Variants in TMEM182 observed in about 807,000 individuals in gnomAD.
The protein encoded by TMEM182 is transmembrane protein 182.
Under a neutral mutation model 26.8 loss-of-function variants are expected in TMEM182, and 20 were observed. The ratio of observed to expected loss-of-function variants is 0.75; its 90% CI spans 0.53 to 1.09. The LOEUF (loss-of-function observed/expected upper bound fraction) is 1.09, where lower values mean the gene tolerates loss of function less well. Among genes scored for constraint, TMEM182 ranks in the 50% least tolerant of loss-of-function variants. TMEM182 has a pLI of 0.00. For synonymous variants in TMEM182, 109 were observed against 102.2 expected, an observed-to-expected ratio of 1.07 and a Z score of -0.40; for missense variants, 277 against 275.5, an observed-to-expected ratio of 1.01 and a Z score of -0.04.
chr2:102,737,070 CA>C, intron 1 of TMEM182: 1 of 488,844 alleles, frequency 2.0e-6, no homozygotes, highest in Middle Eastern at 5.4e-4. Context: ...CCTCTGGGTA[CA>C]GACCCTGCTG....
intron 3 of TMEM182, 88 bp from the exon 4 acceptor site, chr2:102,797,775 G>A (rs1558777783): frequency 4.0e-6 from 6 of 1,484,888 alleles, no homozygotes; most frequent in Non-Finnish European, 5.4e-6. Context: ...GAAAAATGAA[G>A]ATGAAAGCAA....
In TMEM182 at chr2:102,772,455, T is replaced by C. The variant is rs529136611; in HGVS notation, c.331+8028T>C. On this transcript the variant is annotated intron_variant, in intron 3 of 4. Transcript: ENST00000412401. Reference sequence around the variant, plus strand: ...GAGTAGGGTGACCAGGGAGGCCTCATGAACAGACGAGGTTTGTTTTGAGAT... The same window carrying C: ...GAGTAGGGTGACCAGGGAGGCCTCACGAACAGACGAGGTTTGTTTTGAGAT... Among the ~76,000 whole-genome samples, 22 of 152,250 alleles carry C rather than the reference T, an allele frequency of 1.4e-4. 1 individual carries two copies. The South Asian group carries it at 4.3e-3, about 30-fold the overall frequency.
At chr2:102,791,327 A>G (rs1384791565) in intron 3 of TMEM182, among the ~76,000 whole-genome samples, 1 of 152,254 alleles carries the variant, frequency 6.6e-6, no homozygotes, top group African/African-American at 2.4e-5. Flanking sequence ...ATATGAAATG[A>G]TATAGTTACA....
chr2:102,743,608 T>C (rs1679603113), intron 1 of TMEM182, among the ~76,000 whole-genome samples: 1 of 152,158 alleles, frequency 6.6e-6, no homozygotes, highest in Non-Finnish European at 1.5e-5. Context: ...TGGTAGGTAT[T>C]CATTCCACTA....
chr2:102,810,678 C>A (rs999586823), intron 4 of TMEM182, among the ~76,000 whole-genome samples: 2 of 151,976 alleles, frequency 1.3e-5, no homozygotes, highest in African/African-American at 4.8e-5. Context: ...TTCATGGATT[C>A]GGGGCTGGGT....
chr2:102,806,504 C>T (rs965817439), intron 4 of TMEM182, among the ~76,000 whole-genome samples: 4 of 152,116 alleles, frequency 2.6e-5, no homozygotes, highest in African/African-American at 4.8e-5. Context: ...TCCCTTACTC[C>T]TCTGAAATCT....
At chr2:102,776,877 A>C (rs1271575919) in intron 3 of TMEM182, among the ~76,000 whole-genome samples, 1 of 152,056 alleles carries the variant, frequency 6.6e-6, no homozygotes, top group East Asian at 1.9e-4. Flanking sequence ...CATTGTTTTA[A>C]TCTGCAATTC....
chr2:102,779,312 G>T lies in TMEM182; in HGVS notation c.331+14885G>T, dbSNP rs534036889. On this transcript the variant is annotated intron_variant, in intron 3 of 4. Coordinates refer to ENST00000412401, the MANE Select transcript of TMEM182 (RefSeq NM_144632.5). Reference sequence around the variant, plus strand: ...ACATGTTTTGGTGTGTATTTCTTTGGGTTTATCCTGTTTGGACTTTGCTTA... The same window carrying T: ...ACATGTTTTGGTGTGTATTTCTTTGTGTTTATCCTGTTTGGACTTTGCTTA... Among the ~76,000 whole-genome samples, 5 of 152,072 alleles carry T rather than the reference G, an allele frequency of 3.3e-5. No individual in the cohort carries two copies. The South Asian group carries it at 1.0e-3, about 32-fold the overall frequency.
chr2:102,826,587 AT>A, intron 3 of TMEM182, among the ~76,000 whole-genome samples: 1 of 152,236 alleles, frequency 6.6e-6, no homozygotes. Context: ...TACTATTATT[AT>A]TATTCTAGTT....
At chr2:102,749,376 A>G (rs1679810315) in intron 1 of TMEM182, among the ~76,000 whole-genome samples, 1 of 152,216 alleles carries the variant, frequency 6.6e-6, no homozygotes, top group African/African-American at 2.4e-5. Flanking sequence ...AATACATGGA[A>G]TAGGCAAATA....
At chr2:102,794,205 C>T (rs1681769573) in intron 3 of TMEM182, among the ~76,000 whole-genome samples, 1 of 152,200 alleles carries the variant, frequency 6.6e-6, no homozygotes, top group Non-Finnish European at 1.5e-5. Context: ...GAAAAAGAGA[C>T]TTCTAGGAGT....
intron 4 of TMEM182, among the ~76,000 whole-genome samples, chr2:102,798,387 G>A (rs529968543): frequency 3.5e-4 from 53 of 152,248 alleles, no homozygotes; most frequent in African/African-American, 1.1e-3. Flanking sequence ...AATGGGGATC[G>A]TAACATAAGT....
chr2:102,748,658 A>G (rs1679785959), intron 1 of TMEM182, among the ~76,000 whole-genome samples: 1 of 152,200 alleles, frequency 6.6e-6, no homozygotes, highest in African/African-American at 2.4e-5. Flanking sequence ...GATATTAGCA[A>G]TGTCAAGAAA....
intron 3 of TMEM182, among the ~76,000 whole-genome samples, chr2:102,837,542 T>C (rs1215605613): frequency 2.2e-5 from 1 of 45,518 alleles, no homozygotes; most frequent in East Asian, 5.9e-4. Flanking sequence ...CTGTGGGGGG[T>C]TCGGGGGGTT....
intron 1 of TMEM182, among the ~76,000 whole-genome samples, chr2:102,755,142 A>G (rs1573493234): frequency 6.6e-6 from 1 of 152,334 alleles, no homozygotes. Flanking sequence ...AGAATCTCCA[A>G]ATGAAGTTAT....
At chr2:102,831,244 A>G (rs1373610059) in intron 3 of TMEM182, among the ~76,000 whole-genome samples, 1 of 152,214 alleles carries the variant, frequency 6.6e-6, no homozygotes, top group African/African-American at 2.4e-5. Flanking sequence ...GCTGGATCAT[A>G]TGGTAGCTGA....
At chr2:102,784,751 T>A (rs917977378) in intron 3 of TMEM182, among the ~76,000 whole-genome samples, 6 of 152,188 alleles carry the variant, frequency 3.9e-5, no homozygotes, top group African/African-American at 1.4e-4. Flanking sequence ...TTTTAGACCA[T>A]ATAGGGTAAC....
intron 3 of TMEM182, among the ~76,000 whole-genome samples, chr2:102,782,167 G>A (rs1681197742): frequency 6.6e-6 from 1 of 151,968 alleles, no homozygotes; most frequent in African/African-American, 2.4e-5. Flanking sequence ...TTAGTCAGGT[G>A]TGGTGGCCGG....
At chr2:102,789,685 A>T (rs930592756) in intron 3 of TMEM182, among the ~76,000 whole-genome samples, 1 of 152,126 alleles carries the variant, frequency 6.6e-6, no homozygotes, top group Non-Finnish European at 1.5e-5. Context: ...CATTCTCTGT[A>T]TACTTACAAC....
Sources: gnomAD v4.1 joint callset for allele counts (sites outside exome capture counted in the v4.1 genomes callset) on GRCh38, gnomAD v4.1.1 for gene constraint, MANE v1.5 for transcripts, NCBI Gene and HGNC (gene_info 2026-07-23, HGNC 2026-07-21) for gene names.